Variants in SCD5 observed in about 807,000 individuals in gnomAD.
The protein encoded by SCD5 is acyl-CoA-desaturase 4.
Under a neutral mutation model 30.4 loss-of-function variants are expected in SCD5, and 20 were observed. The observed-to-expected ratio is 0.66, with a 90% CI of 0.46 to 0.96. The LOEUF (loss-of-function observed/expected upper bound fraction) is 0.96, where lower values mean the gene tolerates loss of function less well. SCD5 is among the 40% of genes least tolerant of loss of function. The pLI, the probability that SCD5 is intolerant of heterozygous loss-of-function variation, is 0.00. For synonymous variants in SCD5, 173 were observed against 176.4 expected, an observed-to-expected ratio of 0.98 and a Z score of 0.16; for missense variants, 381 against 443.3, an observed-to-expected ratio of 0.86 and a Z score of 1.26.
At chr4:82,770,944 G>A (rs1721608045) in intron 1 of SCD5, among the ~76,000 whole-genome samples, 2 of 152,084 alleles carry the variant, frequency 1.3e-5, no homozygotes, top group African/African-American at 4.8e-5. Flanking sequence ...GTAATAGCTG[G>A]TTTATTGTTT....
chr4:82,782,393 C>T (rs1236302746), intron 1 of SCD5, among the ~76,000 whole-genome samples: 12 of 151,998 alleles, frequency 7.9e-5, no homozygotes, highest in African/African-American at 1.7e-4. Context: ...TGTGCTTGTC[C>T]GGTTCTGGGG....
At chr4:82,738,203 G>T (rs1177647763) in intron 1 of SCD5, among the ~76,000 whole-genome samples, 2 of 152,118 alleles carry the variant, frequency 1.3e-5, no homozygotes, top group African/African-American at 4.8e-5. Flanking sequence ...GGCGGATCAC[G>T]AGGTCAAGAG....
intron 3 of SCD5, among the ~76,000 whole-genome samples, chr4:82,657,718 T>C (rs1354309378): frequency 2.6e-5 from 4 of 152,232 alleles, no homozygotes; most frequent in Non-Finnish European, 5.9e-5. Context: ...ATATTGATTC[T>C]TTCTATCCAT....
chr4:82,748,852 A>T (rs1721045419), intron 1 of SCD5, among the ~76,000 whole-genome samples: 1 of 152,142 alleles, frequency 6.6e-6, no homozygotes, highest in South Asian at 2.1e-4. Flanking sequence ...GGAAAGAGAC[A>T]GCAGTGGCTC....
chr4:82,751,697 G>A (rs528497706), intron 1 of SCD5, among the ~76,000 whole-genome samples: 29 of 152,262 alleles, frequency 1.9e-4, no homozygotes, highest in Non-Finnish European at 2.8e-4. Flanking sequence ...TGCAATCTCC[G>A]CGCACTGCAA....
chr4:82,678,821 A>G (rs1187106566), intron 3 of SCD5, among the ~76,000 whole-genome samples: 1 of 152,202 alleles, frequency 6.6e-6, no homozygotes, highest in Non-Finnish European at 1.5e-5. Context: ...TACTTCTCTG[A>G]ATTTTTCATC....
chr4:82,741,089 G>A (rs1401072889), intron 1 of SCD5, among the ~76,000 whole-genome samples: 1 of 141,112 alleles, frequency 7.1e-6, no homozygotes, highest in Non-Finnish European at 1.5e-5. Flanking sequence ...CTACAGGCGT[G>A]TGCCAGCTAA....
Position 82,715,326 on chromosome 4 carries a change from T to C in SCD5, c.233-9913A>G, listed in dbSNP as rs116037766. Among the ~76,000 whole-genome samples, 510 of 151,586 alleles carry C rather than the reference T, an allele frequency of 3.4e-3. 5 individuals carry two copies. The highest frequency in any genetic ancestry group is 6.8e-3 in the Middle Eastern group (2 of 292). On this transcript the variant is annotated intron_variant, in intron 1 of 4. Transcript: ENST00000319540. Reference sequence around the variant, plus strand: ...TGATAATGAGCGGAAATGGAAGACGTTGGGCTGAGTATTCTCCATGCACCC... The same window carrying C: ...TGATAATGAGCGGAAATGGAAGACGCTGGGCTGAGTATTCTCCATGCACCC...
chr4:82,741,033 C>G (rs140374208), intron 1 of SCD5, among the ~76,000 whole-genome samples: 1 of 151,938 alleles, frequency 6.6e-6, no homozygotes, highest in African/African-American at 2.4e-5. Context: ...CTTCTAGGCC[C>G]CAGGCCCAAG....
intron 3 of SCD5, among the ~76,000 whole-genome samples, chr4:82,656,250 A>G (rs1727865146): frequency 6.6e-6 from 1 of 151,860 alleles, no homozygotes; most frequent in Non-Finnish European, 1.5e-5. Context: ...CTCCCTTAGC[A>G]TCCCCCCACA....
At chr4:82,631,654 T>C (rs1190368198) in intron 4 of SCD5, 137 bp from the exon 5 acceptor site, 8 of 812,160 alleles carry the variant, frequency 9.9e-6, no homozygotes, top group African/African-American at 1.7e-5. Flanking sequence ...ACTTGGTTAC[T>C]GACTCCAAAG....
chr4:82,778,930 A>T (rs1721810937), intron 1 of SCD5, among the ~76,000 whole-genome samples: 1 of 151,348 alleles, frequency 6.6e-6, no homozygotes, highest in Non-Finnish European at 1.5e-5. Flanking sequence ...GCAGCCGTAC[A>T]ATCTCAGCTC....
At chr4:82,735,275 G>A (rs890809794) in intron 1 of SCD5, among the ~76,000 whole-genome samples, 1 of 152,128 alleles carries the variant, frequency 6.6e-6, no homozygotes. Flanking sequence ...AAAGATGTGT[G>A]TTGTACATTA....
intron 1 of SCD5, among the ~76,000 whole-genome samples, chr4:82,715,099 T>C (rs944139456): frequency 1.3e-5 from 2 of 151,398 alleles, no homozygotes; most frequent in Non-Finnish European, 2.9e-5. Context: ...TAGCCGGGTG[T>C]GGTGGCACAC....
intron 1 of SCD5, among the ~76,000 whole-genome samples, chr4:82,795,544 A>G (rs746569063): frequency 2.6e-5 from 4 of 152,120 alleles, no homozygotes; most frequent in Non-Finnish European, 5.9e-5. Context: ...AAAGCTATTC[A>G]TGAGACTGGG....
chr4:82,652,677 A>C (rs1055657658), intron 3 of SCD5, among the ~76,000 whole-genome samples: 10 of 152,366 alleles, frequency 6.6e-5, no homozygotes, highest in South Asian at 4.1e-4. Context: ...AATTATAAAA[A>C]ATAACAACTA....
In SCD5 at chr4:82,630,550, G is replaced by GGTTA. The variant is rs1727263180; in HGVS notation, c.*773_*776dup. ...ATATTACTTTCCTTCATCCTGTCAG[G>GGTTA]GTTAGCATCATGTTCAAGCACATGA... On this transcript the variant is annotated 3_prime_UTR_variant, in exon 5 of 5. Transcript: ENST00000319540. 6.6e-6 allele frequency: 1 copy of GGTTA among 152,288 alleles called. No individual in the cohort carries two copies. Among genetic ancestry groups the GGTTA allele is most frequent in the African/African-American group, 2.4e-5 (1 of 41,534 alleles). The allele number at this position is 152,288 out of a possible 1,614,324, so 9.4% of individuals were successfully genotyped here. A position where few individuals can be genotyped will look rare whatever the true frequency, so the allele number is the denominator to read the frequency against.
At chr4:82,673,339 A>G (rs2148819612) in intron 3 of SCD5, among the ~76,000 whole-genome samples, 1 of 152,316 alleles carries the variant, frequency 6.6e-6, no homozygotes, top group South Asian at 2.1e-4. Context: ...CAAGGTTAAT[A>G]TACAATAGTC....
intron 1 of SCD5, among the ~76,000 whole-genome samples, 159 bp from the exon 2 acceptor site, chr4:82,705,572 T>C (rs1003459452): frequency 1.3e-5 from 2 of 152,254 alleles, no homozygotes; most frequent in African/African-American, 4.8e-5. Context: ...AGCCTTTTTA[T>C]TGATTTGTAG....
Sources: gnomAD v4.1 joint callset for allele counts (sites outside exome capture counted in the v4.1 genomes callset) on GRCh38, gnomAD v4.1.1 for gene constraint, MANE v1.5 for transcripts, NCBI Gene and HGNC (gene_info 2026-07-23, HGNC 2026-07-21) for gene names.